Variants in DOCK11 observed in about 807,000 individuals in gnomAD.
The protein encoded by DOCK11 is dedicator of cytokinesis 11.
A neutral mutation model predicts 169.1 loss-of-function variants in DOCK11; 70 were observed. The observed-to-expected ratio is 0.41, with a 90% CI of 0.34 to 0.51. The LOEUF (loss-of-function observed/expected upper bound fraction) is 0.51. DOCK11 is among the 20% of genes least tolerant of loss of function. The pLI, the probability that DOCK11 is intolerant of heterozygous loss-of-function variation, is 0.10. For missense variants in DOCK11, 1,166 were observed against 1,538.8 expected, an observed-to-expected ratio of 0.76 and a Z score of 4.05; for synonymous variants, 529 against 541.3, an observed-to-expected ratio of 0.98 and a Z score of 0.32.
In DOCK11 at chrX:118,654,671, C is replaced by G; in HGVS notation, c.4765C>G (p.Gln1589Glu). ...RIRTVLMATA[Q>E]MKEHEKDPEM... Reference sequence around the variant, plus strand: ...CCGCACTGTTCTTATGGCCACTGCCCAAATGAAGGAGCATGAGAAAGACCC... The same window carrying G: ...CCGCACTGTTCTTATGGCCACTGCCGAAATGAAGGAGCATGAGAAAGACCC... Residue 1589 changes from glutamine to glutamate, a missense_variant, in exon 43 of 53, where the codon CAA (glutamine) becomes GAA (glutamate). Coordinates refer to ENST00000276202, the MANE Select transcript of DOCK11 (RefSeq NM_144658.4). 1 of 1,211,516 alleles carries G rather than the reference C, an allele frequency of 8.3e-7. No individual in the cohort carries two copies. Among genetic ancestry groups the G allele is most frequent in the Non-Finnish European group, 1.1e-6 (1 of 895,379 alleles).
chrX:118,547,107 C>T (rs1005464334), intron 6 of DOCK11, among the ~76,000 whole-genome samples: 3 of 110,971 alleles, frequency 2.7e-5, no homozygotes, highest in African/African-American at 9.8e-5. Context: ...CATTAAAATC[C>T]AAAGGGAAAA....
chrX:118,525,260 A>G (rs976389349), intron 1 of DOCK11, among the ~76,000 whole-genome samples: 5 of 112,086 alleles, frequency 4.5e-5, no homozygotes, highest in African/African-American at 1.6e-4. Context: ...ACCACTGTTC[A>G]TAGCAGCATT....
chrX:118,519,402 T>G (rs1397732684), intron 1 of DOCK11, among the ~76,000 whole-genome samples: 1 of 111,476 alleles, frequency 9.0e-6, no homozygotes, highest in Non-Finnish European at 1.9e-5. Context: ...ACAAAAAAAT[T>G]AGCCAGGCGT....
chrX:118,573,254 A>T (rs997248379), intron 11 of DOCK11, among the ~76,000 whole-genome samples: 3 of 112,927 alleles, frequency 2.7e-5, no homozygotes, highest in African/African-American at 9.6e-5. Context: ...GTTAATCTTT[A>T]TGCCATCTGG....
intron 35 of DOCK11, chrX:118,632,679 T>C (rs1231163786): frequency 9.0e-6 from 1 of 110,762 alleles, no homozygotes; most frequent in African/African-American, 3.3e-5. Context: ...GTAGCAACTT[T>C]AATGTCAATG....
intron 50 of DOCK11, 84 bp downstream of exon 50, chrX:118,681,332 A>G: frequency 1.1e-6 from 1 of 938,558 alleles, no homozygotes; most frequent in Non-Finnish European, 1.4e-6. Flanking sequence ...ATTAATTGTA[A>G]TTATGTGTTG....
chrX:118,542,034 C>T (rs1023995999), intron 1 of DOCK11, among the ~76,000 whole-genome samples: 4 of 111,915 alleles, frequency 3.6e-5, no homozygotes, highest in South Asian at 3.7e-4. Flanking sequence ...TCTCCTCCAA[C>T]GTTGCCCAGA....
At chrX:118,654,552 C>T (rs2016019740) in intron 42 of DOCK11, 50 bp from the exon 43 acceptor site, 3 of 1,120,779 alleles carry the variant, frequency 2.7e-6, no homozygotes, top group Non-Finnish European at 3.7e-6. Flanking sequence ...AGCCTTAGAG[C>T]ACATCGATAT....
rs1043430252 is a variant in DOCK11 at position 118,683,850 on chromosome X, A to G, written c.6102+633A>G. Among the ~76,000 whole-genome samples, 13 of 112,396 alleles carry G rather than the reference A, an allele frequency of 1.2e-4. 1 individual carries two copies. Among genetic ancestry groups the G allele is most frequent in the African/African-American group, 3.9e-4 (12 of 31,005 alleles). On this transcript the variant is annotated intron_variant, in intron 52 of 52. Coordinates refer to ENST00000276202, the MANE Select transcript of DOCK11 (RefSeq NM_144658.4). ...TCTGTATCAGTTATTCCCATAAAAC[A>G]TGGCTATTTCTCTTAGATATAGAGA...
intron 30 of DOCK11, among the ~76,000 whole-genome samples, chrX:118,616,966 TTATTTATAAC>T (rs2014833139): frequency 8.9e-6 from 1 of 111,898 alleles, no homozygotes; most frequent in Non-Finnish European, 1.9e-5. Context: ...CACCCAATAT[TTATTTATAAC>T]TATGAGGAAG....
intron 12 of DOCK11, among the ~76,000 whole-genome samples, chrX:118,577,315 G>A (rs745395728): frequency 3.6e-5 from 4 of 112,266 alleles, no homozygotes; most frequent in African/African-American, 1.3e-4. Flanking sequence ...CCGAAGCCAG[G>A]TTCTGTGACC....
intron 24 of DOCK11, among the ~76,000 whole-genome samples, chrX:118,606,197 G>C (rs952872611): frequency 1.9e-5 from 2 of 106,420 alleles, no homozygotes; most frequent in Non-Finnish European, 3.8e-5. Flanking sequence ...AGCTTCCCGA[G>C]TAGCTGGGAT....
chrX:118,672,536 C>G (rs1422202397), intron 46 of DOCK11, among the ~76,000 whole-genome samples: 2 of 112,940 alleles, frequency 1.8e-5, no homozygotes, highest in African/African-American at 6.4e-5. Context: ...GGGTTCACGC[C>G]ATTCTCCTGC....
intron 45 of DOCK11, among the ~76,000 whole-genome samples, chrX:118,664,393 C>T (rs889616278): frequency 3.6e-5 from 4 of 111,585 alleles, no homozygotes; most frequent in Non-Finnish European, 5.7e-5. Context: ...CAGTGTCTCA[C>T]GACTGTAATC....
chrX:118,632,127 T>C (rs2147497785), intron 35 of DOCK11, among the ~76,000 whole-genome samples: 1 of 110,182 alleles, frequency 9.1e-6, no homozygotes, highest in African/African-American at 3.3e-5. Context: ...GCTAATTTGT[T>C]TATTTTTAGT....
intron 28 of DOCK11, among the ~76,000 whole-genome samples, chrX:118,611,707 G>A (rs1348002643): frequency 8.9e-6 from 1 of 112,216 alleles, no homozygotes; most frequent in African/African-American, 3.2e-5. Flanking sequence ...GTATGTAAGT[G>A]GCAGTGAGAG....
At chrX:118,673,338 T>A (rs1433040064) in intron 46 of DOCK11, among the ~76,000 whole-genome samples, 1 of 111,686 alleles carries the variant, frequency 9.0e-6, no homozygotes, top group Non-Finnish European at 1.9e-5. Context: ...TGGAGCATGG[T>A]ATACACGCCT....
At chrX:118,514,180 A>G (rs2057668033) in intron 1 of DOCK11, among the ~76,000 whole-genome samples, 1 of 109,785 alleles carries the variant, frequency 9.1e-6, no homozygotes, top group African/African-American at 3.3e-5. Flanking sequence ...CACCCTGTGA[A>G]GAGGGTGCCT....
At chrX:118,609,220 C>A in intron 26 of DOCK11, 58 bp from the exon 27 acceptor site, 1 of 951,174 alleles carries the variant, frequency 1.1e-6, no homozygotes, top group Admixed American at 2.5e-5. Context: ...ATCTGTCAAA[C>A]TTTGCTAAGC....
Sources: allele counts gnomAD v4.1 joint callset (sites outside exome capture counted in the v4.1 genomes callset), GRCh38; gene constraint gnomAD v4.1.1; transcripts MANE v1.5; gene names NCBI Gene and HGNC (gene_info 2026-07-23, HGNC 2026-07-21).